JAKMIP3: variants seen among roughly 807,000 people sequenced by gnomAD.
JAKMIP3 encodes the protein janus kinase and microtubule-interacting protein 3.
Under a neutral mutation model 118.5 loss-of-function variants are expected in JAKMIP3, and 58 were observed. That is an observed-to-expected ratio of 0.49 (90% CI 0.40 to 0.61). JAKMIP3 has a LOEUF of 0.61. Ranked by LOEUF, JAKMIP3 falls within the 20% of genes least tolerant of loss-of-function variation. The pLI is 0.00. For synonymous variants in JAKMIP3, 486 were observed against 451.2 expected (o/e 1.08, Z -0.98); for missense variants, 950 against 1,109.0 (o/e 0.86, Z 2.04).
At chr10:132,045,950 AC>A (rs1564849563) in intron 1 of JAKMIP3, among the ~76,000 whole-genome samples, 45 of 151,472 alleles carry the variant, frequency 3.0e-4, no homozygotes, top group Non-Finnish European at 5.3e-4. Context: ...AAAAAAAAAT[AC>A]ACACACTCTT....
At chr10:132,076,882 G>A (rs114273445) in intron 1 of JAKMIP3, among the ~76,000 whole-genome samples, 2,248 of 150,166 alleles carry the variant, frequency 0.015, 64 homozygotes, top group African/African-American at 0.052. Flanking sequence ...CGGTGTCCCC[G>A]GGTCTGACTG....
chr10:132,043,623 G>T (rs542666243), intron 1 of JAKMIP3, among the ~76,000 whole-genome samples: 1 of 152,152 alleles, frequency 6.6e-6, no homozygotes. Flanking sequence ...TCCCACAGGC[G>T]CCTGGGCTTT....
rs867896360 is a variant in JAKMIP3 at position 132,180,622 on chromosome 10, T to C, written c.*1104-1735T>C. Among the ~76,000 whole-genome samples, 270 of 43,014 alleles carry C rather than the reference T, an allele frequency of 6.3e-3. 42 individuals carry two copies. The highest frequency in any genetic ancestry group is 0.019 in the African/African-American group (136 of 6,994). 28.2% of individuals were successfully genotyped at this position (43,014 alleles called of 152,430 possible). A position where few individuals can be genotyped will look rare whatever the true frequency, so the allele number is the denominator to read the frequency against. On this transcript the variant is annotated intron_variant, in intron 23 of 23. Transcript: ENST00000684848. ...GCGTGCGCGTGTGTGTGTGCGTGTG[T>C]GTGCGTGTGTGCGTGCGTGTGTGCG... is the stretch of plus-strand genomic sequence containing the variant.
intron 3 of JAKMIP3, among the ~76,000 whole-genome samples, chr10:132,132,964 G>A (rs927837230): frequency 4.6e-5 from 7 of 152,242 alleles, no homozygotes; most frequent in African/African-American, 1.7e-4. Flanking sequence ...GTCAGGAGCT[G>A]GAGGTGGTTT....
chr10:132,050,616 A>G (rs143963889), intron 1 of JAKMIP3, among the ~76,000 whole-genome samples: 2 of 150,882 alleles, frequency 1.3e-5, no homozygotes, highest in East Asian at 1.9e-4. Flanking sequence ...ATTATTTTAC[A>G]TAATTTAGGA....
chr10:132,057,060 G>A (rs762709799), intron 1 of JAKMIP3, among the ~76,000 whole-genome samples: 3 of 152,142 alleles, frequency 2.0e-5, no homozygotes, highest in Non-Finnish European at 4.4e-5. Flanking sequence ...CATCCCAAGC[G>A]GAGCTCAGAC....
intron 13 of JAKMIP3, among the ~76,000 whole-genome samples, chr10:132,147,437 C>T: frequency 6.6e-6 from 1 of 152,230 alleles, no homozygotes; most frequent in East Asian, 1.9e-4. Context: ...TTAAACAGCT[C>T]CTTAATTAGC....
At chr10:132,124,983 C>T (rs549823783) in intron 3 of JAKMIP3, among the ~76,000 whole-genome samples, 7 of 152,254 alleles carry the variant, frequency 4.6e-5, no homozygotes, top group Admixed American at 2.0e-4. Flanking sequence ...GCCATTAAGC[C>T]AGAGTATTCA....
intron 1 of JAKMIP3, among the ~76,000 whole-genome samples, chr10:132,070,956 G>C (rs963114180): frequency 3.3e-5 from 5 of 152,172 alleles, no homozygotes; most frequent in Non-Finnish European, 7.3e-5. Context: ...ATGTTCTTAA[G>C]ATGAAAGCAT....
At chr10:132,113,871 A>G (rs533848522) in intron 2 of JAKMIP3, among the ~76,000 whole-genome samples, 2 of 152,356 alleles carry the variant, frequency 1.3e-5, no homozygotes, top group South Asian at 2.1e-4. Flanking sequence ...CACTTTTACA[A>G]TAAATCCATG....
intron 19 of JAKMIP3, among the ~76,000 whole-genome samples, chr10:132,159,751 C>T (rs1382167506): frequency 6.7e-4 from 31 of 46,014 alleles, no homozygotes; most frequent in African/African-American, 1.2e-3. Flanking sequence ...ACTGGGGGGG[C>T]CTCTTCCTGT....
rs1199956471 is a variant in JAKMIP3, at chr10:132,098,004, C to CTTTCCCTTCCCCTTTCCCTTTCCT, written c.-137-6667_-137-6666insTTCCCTTCCCCTTTCCCTTTCCTT. On this transcript the variant is annotated intron_variant, in intron 1 of 23. Transcript: ENST00000684848. ...CCTTCCCCTTCCCCTTCCCCTTCCC[C>CTTTCCCTTCCCCTTTCCCTTTCCT]TCCTTCCTTTTTTTTTTCTTTCTTC... Among the ~76,000 whole-genome samples, 4 of 49,220 alleles carry CTTTCCCTTCCCCTTTCCCTTTCCT rather than the reference C, an allele frequency of 8.1e-5. 1 individual carries two copies. The highest frequency in any genetic ancestry group is 1.7e-4 in the Non-Finnish European group (4 of 23,286). 32.3% of individuals were successfully genotyped at this position (49,220 alleles called of 152,430 possible). A position where few individuals can be genotyped will look rare whatever the true frequency, so the allele number is the denominator to read the frequency against.
In JAKMIP3 at chr10:132,117,579, G is replaced by A. The variant is rs367728228; in HGVS notation, c.633+5G>A. 1.1e-4 allele frequency: 171 copies of A among 1,539,838 alleles called. No homozygotes were observed. Among genetic ancestry groups the A allele is most frequent in the African/African-American group, 4.6e-4 (33 of 72,130 alleles). On this transcript the variant is annotated splice_donor_5th_base_variant and intron_variant, in intron 3 of 23. Coordinates refer to ENST00000684848, the MANE Select transcript of JAKMIP3 (RefSeq NM_001323087.2). This position sits in a 1 kb window ranked among gnomAD's most constrained non-coding sequence, Gnocchi z 8.6. ...GAGCGGGAGATCCGCAGGCTGGTACGTGGGCAGGCAGGGGCGGGCGTGGGC... is the reference window on the plus strand; with the variant it reads ...GAGCGGGAGATCCGCAGGCTGGTACATGGGCAGGCAGGGGCGGGCGTGGGC...
Position 132,070,134 on chromosome 10 carries a change from AT to A in JAKMIP3, c.-138+4084del, listed in dbSNP as rs796955225. Among the ~76,000 whole-genome samples the A allele has an allele frequency of 7.3e-4, 109 of 148,870 alleles. No individual in the cohort carries two copies. The East Asian group carries it at 9.6e-3, about 13-fold the overall frequency. ...CTCTGTCTAAACAGCACTGTCTTCCATTTTTTTTTTTAGTTGCATTTTTATT... is the reference window on the plus strand; with the variant it reads ...CTCTGTCTAAACAGCACTGTCTTCCATTTTTTTTTTAGTTGCATTTTTATT... On this transcript the variant is annotated intron_variant, in intron 1 of 23. Coordinates refer to ENST00000684848, the MANE Select transcript of JAKMIP3 (RefSeq NM_001323087.2).
rs1449137330 is a variant in JAKMIP3, at chr10:132,182,951, C to T, written c.*1698C>T. The T allele has an allele frequency of 1.3e-5, 2 of 152,100 alleles. No homozygotes were observed. Among genetic ancestry groups the T allele is most frequent in the African/African-American group, 4.8e-5 (2 of 41,410 alleles). 9.4% of individuals were successfully genotyped at this position (152,100 alleles called of 1,614,324 possible). On this transcript the variant is annotated 3_prime_UTR_variant, in exon 24 of 24. Transcript: ENST00000684848. ...AGCACTTGTCCAAGAAAGACCCATC[C>T]ATTTCTGTTGTCATTCAAGCCACAG...
At chr10:132,076,731 T>C (rs9419349) in intron 1 of JAKMIP3, among the ~76,000 whole-genome samples, 2,766 of 149,744 alleles carry the variant, frequency 0.018, 77 homozygotes, top group African/African-American at 0.065. Context: ...TGGCCTGCAG[T>C]GTCCCCTGGT....
At position 132,148,060 on chromosome 10, in the gene JAKMIP3, T is replaced by A. The variant is rs2818383; in HGVS notation, c.1848+10T>A. On this transcript the variant is annotated intron_variant, in intron 14 of 23. Coordinates refer to ENST00000684848, the MANE Select transcript of JAKMIP3 (RefSeq NM_001323087.2). ...GATCCTGGAGCTTGAGGTAGCTGAG[T>A]GGATGGCCAGCACTGTGGCCTGTGG... 1.9e-6 allele frequency: 3 copies of A among 1,585,176 alleles called. No individual in the cohort carries two copies. The Admixed American group carries it at 5.2e-5, about 28-fold the overall frequency.
intron 2 of JAKMIP3, among the ~76,000 whole-genome samples, chr10:132,115,830 A>G (rs955129641): frequency 1.1e-4 from 17 of 152,244 alleles, no homozygotes; most frequent in Admixed American, 5.9e-4. Flanking sequence ...TCAACCTTGG[A>G]GCAGCCCTGA....
chr10:132,091,736 C>T (rs972985174), intron 1 of JAKMIP3, among the ~76,000 whole-genome samples: 1 of 152,190 alleles, frequency 6.6e-6, no homozygotes, highest in African/African-American at 2.4e-5. Context: ...ATTTACCAGT[C>T]TGTGTCTTTT....
Sources: allele counts gnomAD v4.1 joint callset (sites outside exome capture counted in the v4.1 genomes callset), GRCh38; gene constraint gnomAD v4.1.1; non-coding constraint Gnocchi (gnomAD v3.1); transcripts MANE v1.5; gene names NCBI Gene and HGNC (gene_info 2026-07-23, HGNC 2026-07-21).